Variants in RNF212B observed in about 807,000 individuals in gnomAD.
RNF212B encodes E3 ubiquitin-protein ligase RNF212B.
In RNF212B, 52 loss-of-function variants were observed where a neutral mutation model predicts 55.5. The observed-to-expected ratio is 0.94, with a 90% CI of 0.75 to 1.18. The LOEUF (loss-of-function observed/expected upper bound fraction) is 1.18, where lower values mean the gene tolerates loss of function less well. Ranked by LOEUF, RNF212B falls within the 50% of genes most tolerant of loss-of-function variation. The pLI is 0.00. For synonymous variants in RNF212B, 99 were observed against 121.4 expected, an observed-to-expected ratio of 0.82 and a Z score of 1.21; for missense variants, 289 against 350.4, an observed-to-expected ratio of 0.82 and a Z score of 1.40.
intron 1 of RNF212B, chr14:23,188,429 T>A (rs1384221326): frequency 2.6e-5 from 4 of 151,688 alleles, no homozygotes; most frequent in Non-Finnish European, 5.9e-5. Flanking sequence ...CCCTTCTTAA[T>A]TGGTTTTCAT....
At chr14:23,251,525 C>A (rs1285404275) in intron 4 of RNF212B, among the ~76,000 whole-genome samples, 1 of 152,164 alleles carries the variant, frequency 6.6e-6, no homozygotes, top group Non-Finnish European at 1.5e-5. Context: ...ATAAAAGATA[C>A]AACATAGGGG....
At chr14:23,232,792 G>GGC (rs1378067032) in intron 2 of RNF212B, among the ~76,000 whole-genome samples, 8 of 148,148 alleles carry the variant, frequency 5.4e-5, no homozygotes, top group Non-Finnish European at 7.5e-5. Flanking sequence ...GGTGGGGGGG[G>GGC]GGTCAGCCTC....
At chr14:23,267,783 T>A (rs1039295216) in intron 11 of RNF212B, among the ~76,000 whole-genome samples, 1 of 152,230 alleles carries the variant, frequency 6.6e-6, no homozygotes, top group Non-Finnish European at 1.5e-5. Context: ...GCCACTCTTT[T>A]GTTCCTTGTT....
At chr14:23,236,961 CTTT>C (rs1462199563), upstream of RNF212B, among the ~76,000 whole-genome samples, 3 of 137,968 alleles carry the variant, frequency 2.2e-5, no homozygotes, top group Admixed American at 7.5e-5. Flanking sequence ...CTGTCTCTCT[CTTT>C]TTTTTTTTTT....
intron 2 of RNF212B, among the ~76,000 whole-genome samples, chr14:23,229,423 A>G (rs866220564): frequency 3.3e-5 from 5 of 151,686 alleles, no homozygotes; most frequent in Admixed American, 2.0e-4. Flanking sequence ...GCTGGGTCAC[A>G]TGGCAGGATA....
At chr14:23,252,885 A>C (rs1884519810) in intron 4 of RNF212B, among the ~76,000 whole-genome samples, 1 of 152,150 alleles carries the variant, frequency 6.6e-6, no homozygotes, top group South Asian at 2.1e-4. Context: ...GTGTGATGTG[A>C]CTTTCGCAGC....
At chr14:23,231,922 G>A (rs544440684) in intron 2 of RNF212B, among the ~76,000 whole-genome samples, 2 of 149,702 alleles carry the variant, frequency 1.3e-5, no homozygotes, top group African/African-American at 2.5e-5. Flanking sequence ...GATTGCAGAC[G>A]GAGTCTCGTT....
intron 4 of RNF212B, among the ~76,000 whole-genome samples, chr14:23,254,782 T>C (rs1594937841): frequency 1.3e-5 from 2 of 152,200 alleles, no homozygotes; most frequent in East Asian, 3.8e-4. Context: ...CCTACTAAGC[T>C]CCCCCTTTGC....
At chr14:23,236,585 A>G (rs1460144350), upstream of RNF212B, among the ~76,000 whole-genome samples, 1 of 152,208 alleles carries the variant, frequency 6.6e-6, no homozygotes, top group African/African-American at 2.4e-5. Flanking sequence ...CACACATTTA[A>G]TGGGGTTTAT....
intron 2 of RNF212B, among the ~76,000 whole-genome samples, chr14:23,241,082 C>T (rs770096476): frequency 5.9e-5 from 9 of 151,874 alleles, no homozygotes; most frequent in Non-Finnish European, 1.2e-4. Context: ...GTGTAAATCC[C>T]TAGAAGAGGG....
At chr14:23,266,880 T>C (rs183056868) in intron 11 of RNF212B, among the ~76,000 whole-genome samples, 3 of 152,360 alleles carry the variant, frequency 2.0e-5, no homozygotes, top group Non-Finnish European at 4.4e-5. Context: ...TTCTGTTTCC[T>C]TTCCTTGCTG....
At chr14:23,245,549 G>C (rs1421993155) in intron 4 of RNF212B, among the ~76,000 whole-genome samples, 1 of 152,084 alleles carries the variant, frequency 6.6e-6, no homozygotes, top group East Asian at 1.9e-4. Flanking sequence ...AAATGGAAAG[G>C]GTCAGTTAAT....
chr14:23,205,069 C>T (rs968935956), intron 2 of RNF212B, among the ~76,000 whole-genome samples: 2 of 152,050 alleles, frequency 1.3e-5, no homozygotes, highest in Non-Finnish European at 2.9e-5. Flanking sequence ...CTGAACATCC[C>T]TCCTTCTTAA....
intron 7 of RNF212B, among the ~76,000 whole-genome samples, chr14:23,261,132 T>C (rs2140473703): frequency 6.6e-6 from 1 of 152,242 alleles, no homozygotes; most frequent in South Asian, 2.1e-4. Flanking sequence ...TCCGATTGGC[T>C]AGCAACTTAG....
intron 2 of RNF212B, among the ~76,000 whole-genome samples, chr14:23,240,699 G>A (rs1883506200): frequency 6.6e-6 from 1 of 152,172 alleles, no homozygotes; most frequent in Admixed American, 6.5e-5. Flanking sequence ...TTTGAAGTCT[G>A]GCAGGGAAAG....
intron 2 of RNF212B, among the ~76,000 whole-genome samples, chr14:23,226,325 A>G (rs1248244991): frequency 3.4e-5 from 5 of 145,926 alleles, no homozygotes; most frequent in Non-Finnish European, 7.5e-5. Flanking sequence ...AATTAAATAA[A>G]TAAATAAATA....
At chr14:23,270,026 T>C (rs1885963757) in intron 13 of RNF212B, 66 bp downstream of exon 13, 1 of 908,568 alleles carries the variant, frequency 1.1e-6, no homozygotes, top group Admixed American at 2.1e-5. Context: ...AAAATGAAGA[T>C]TTTCAAGATG....
intron 2 of RNF212B, among the ~76,000 whole-genome samples, chr14:23,194,019 T>G (rs955606548): frequency 6.6e-6 from 1 of 152,134 alleles, no homozygotes; most frequent in African/African-American, 2.4e-5. Flanking sequence ...TTTTTGTATT[T>G]TTAGTAGAGA....
chr14:23,258,810 C>T (rs1270396820), intron 5 of RNF212B, 146 bp downstream of exon 5: 1 of 443,000 alleles, frequency 2.3e-6, no homozygotes, highest in Non-Finnish European at 4.0e-6. Context: ...TTTTGATCCC[C>T]TGAATCTCCA....
Sources: allele counts gnomAD v4.1 joint callset (sites outside exome capture counted in the v4.1 genomes callset), GRCh38; gene constraint gnomAD v4.1.1; transcripts MANE v1.5; gene names NCBI Gene and HGNC (gene_info 2026-07-23, HGNC 2026-07-21).